The following TOGARAM1 variants were observed in gnomAD, a reference collection of about 807,000 sequenced individuals.
The protein encoded by TOGARAM1 is TOG array regulator of axonemal microtubules protein 1.
TOGARAM1 carries 100 observed loss-of-function variants against 166.6 expected under a neutral mutation model. The observed-to-expected ratio is 0.60, with a 90% confidence interval of 0.51 to 0.71. TOGARAM1 has a LOEUF of 0.71. TOGARAM1 is among the 30% of genes least tolerant of loss of function. TOGARAM1 has a pLI of 0.00. For missense variants in TOGARAM1, 2,029 were observed against 2,102.7 expected (o/e 0.96, Z 0.69); for synonymous variants, 758 against 763.8 (o/e 0.99, Z 0.13).
intron 17 of TOGARAM1, among the ~76,000 whole-genome samples, chr14:45,067,101 T>C (rs1377942440): frequency 6.6e-6 from 1 of 152,110 alleles, no homozygotes; most frequent in African/African-American, 2.4e-5. Context: ...TATATAGATA[T>C]ATAATTCTCA....
intron 16 of TOGARAM1, among the ~76,000 whole-genome samples, 178 bp downstream of exon 16, chr14:45,054,727 C>T (rs1237899512): frequency 6.6e-6 from 1 of 152,196 alleles, no homozygotes; most frequent in Non-Finnish European, 1.5e-5. Context: ...TATATATTTA[C>T]AGCAACTTGC....
At chr14:44,974,174 A>T (rs926903418) in intron 1 of TOGARAM1, among the ~76,000 whole-genome samples, 2 of 151,590 alleles carry the variant, frequency 1.3e-5, no homozygotes, top group East Asian at 1.9e-4. Flanking sequence ...GTTTTCCCAC[A>T]GTTCTTGTAT....
At chr14:45,047,729 G>C (rs1882145675) in intron 14 of TOGARAM1, among the ~76,000 whole-genome samples, 1 of 152,074 alleles carries the variant, frequency 6.6e-6, no homozygotes, top group African/African-American at 2.4e-5. Flanking sequence ...TAGGTGACCA[G>C]TAATGTCCCA....
At chr14:44,988,161 G>A (rs1299516814) in intron 1 of TOGARAM1, among the ~76,000 whole-genome samples, 3 of 151,382 alleles carry the variant, frequency 2.0e-5, no homozygotes, top group Non-Finnish European at 4.4e-5. Context: ...TGTAAATGAT[G>A]AGTTAATGGG....
chr14:44,982,201 A>G (rs1886575778), intron 1 of TOGARAM1, among the ~76,000 whole-genome samples: 1 of 152,120 alleles, frequency 6.6e-6, no homozygotes, highest in Non-Finnish European at 1.5e-5. Flanking sequence ...ATAGCTATTT[A>G]ATATTATATA....
intron 11 of TOGARAM1, among the ~76,000 whole-genome samples, chr14:45,041,252 T>C (rs977834555): frequency 2.0e-5 from 3 of 151,460 alleles, no homozygotes; most frequent in Admixed American, 6.6e-5. Flanking sequence ...AATACAATAA[T>C]TAGCCGGCCA....
intron 5 of TOGARAM1, 113 bp from the exon 6 acceptor site, chr14:45,008,800 A>C: frequency 2.9e-6 from 2 of 682,384 alleles, no homozygotes; most frequent in South Asian, 4.0e-5. Flanking sequence ...GTTTTAGTAC[A>C]GGATTGGGAA....
intron 2 of TOGARAM1, chr14:44,996,950 A>G (rs2138812904): frequency 6.6e-6 from 1 of 152,370 alleles, no homozygotes; most frequent in Non-Finnish European, 1.5e-5. Flanking sequence ...CCTACCTCCA[A>G]CATTGGGGAT....
chr14:45,031,314 T>C (rs754213411), intron 10 of TOGARAM1, among the ~76,000 whole-genome samples: 1 of 152,238 alleles, frequency 6.6e-6, no homozygotes, highest in Non-Finnish European at 1.5e-5. Context: ...CATTATATAG[T>C]GCTCTCAAGG....
intron 1 of TOGARAM1, among the ~76,000 whole-genome samples, chr14:44,990,674 A>G (rs1272442353): frequency 6.6e-6 from 1 of 152,222 alleles, no homozygotes; most frequent in African/African-American, 2.4e-5. Context: ...TATGAAAACA[A>G]ACTGCACACA....
chr14:45,059,017 A>G (rs1882778080), intron 16 of TOGARAM1, among the ~76,000 whole-genome samples: 1 of 152,206 alleles, frequency 6.6e-6, no homozygotes, highest in South Asian at 2.1e-4. Context: ...TAGTGATGAC[A>G]AAGTCTATTA....
intron 9 of TOGARAM1, among the ~76,000 whole-genome samples, chr14:45,027,830 C>T (rs546911972): frequency 2.0e-5 from 3 of 150,480 alleles, no homozygotes; most frequent in African/African-American, 7.3e-5. Context: ...ACCGTGATTA[C>T]GCCACTGTAC....
At position 44,964,379 on chromosome 14, in the gene TOGARAM1, G is replaced by C. The variant is rs1158915238; in HGVS notation, c.1958G>C (p.Gly653Ala). Residue 653 changes from glycine to alanine, a missense_variant, in exon 1 of 20, where the codon GGA becomes GCA. By Grantham distance (60) the Gly-to-Ala change is moderately conservative. This residue lies in a region of TOGARAM1 where 1,453 missense variants were observed against 1,432.2 expected (regional missense o/e 1.01). Coordinates refer to ENST00000361462, the MANE Select transcript of TOGARAM1 (RefSeq NM_001308120.2). The part of the protein sequence containing the change: ...TICTRRVLSA[G>A]KGKNKLPWEN... Reference sequence around the variant, plus strand: ...TGTACCCGAAGGGTATTAAGTGCAGGAAAAGGAAAAAATAAATTACCATGG... The same window carrying C: ...TGTACCCGAAGGGTATTAAGTGCAGCAAAAGGAAAAAATAAATTACCATGG... The C allele has an allele frequency of 4.3e-6, 7 of 1,612,094 alleles. No homozygotes were observed. Among genetic ancestry groups the C allele is most frequent in the Non-Finnish European group, 5.1e-6 (6 of 1,179,414 alleles).
chr14:44,995,548 A>G, intron 1 of TOGARAM1, 198 bp from the exon 2 acceptor site: 1 of 593,590 alleles, frequency 1.7e-6, no homozygotes, highest in Non-Finnish European at 3.2e-6. Flanking sequence ...AGAAAAAACA[A>G]TTAGCATTTC....
At chr14:45,018,918 C>CT (rs974766053) in intron 7 of TOGARAM1, among the ~76,000 whole-genome samples, 1 of 152,050 alleles carries the variant, frequency 6.6e-6, no homozygotes, top group Non-Finnish European at 1.5e-5. Context: ...TAGTGGCTTC[C>CT]TTTTTTAGAT....
At chr14:45,018,370 A>C (rs770676655) in intron 7 of TOGARAM1, among the ~76,000 whole-genome samples, 1 of 151,960 alleles carries the variant, frequency 6.6e-6, no homozygotes, top group Non-Finnish European at 1.5e-5. Context: ...CACCCTAGTA[A>C]CTGGGATTAC....
Position 44,962,622 on chromosome 14 carries a change from G to T in TOGARAM1, c.201G>T (p.Leu67=). 3.1e-6 allele frequency: 5 copies of T among 1,613,820 alleles called. No individual in the cohort carries two copies. Among genetic ancestry groups the T allele is most frequent in the Non-Finnish European group, 4.2e-6 (5 of 1,179,782 alleles). ...HGSCPTTTSP[L]ASALLMPSEA... ...CCTGCCCCACTACAACTTCGCCTCT[G>T]GCCTCGGCCCTCTTGATGCCCTCGG... Residue 67 remains leucine (L), a synonymous_variant, in exon 1 of 20, where the codon CTG becomes CTT. Transcript: ENST00000361462.
At chr14:45,017,119 T>C (rs1179509438) in intron 7 of TOGARAM1, among the ~76,000 whole-genome samples, 2 of 152,178 alleles carry the variant, frequency 1.3e-5, no homozygotes, top group African/African-American at 4.8e-5. Context: ...GTAAATTTCA[T>C]GACAAGTTAA....
At chr14:45,002,843 G>T (rs1887749563) in intron 3 of TOGARAM1, among the ~76,000 whole-genome samples, 1 of 152,104 alleles carries the variant, frequency 6.6e-6, no homozygotes, top group African/African-American at 2.4e-5. Flanking sequence ...GCCGGACATG[G>T]TGGCGGGCAC....
Sources: allele counts gnomAD v4.1 joint callset (sites outside exome capture counted in the v4.1 genomes callset), GRCh38; gene constraint gnomAD v4.1.1; regional missense constraint gnomAD v4.1.1; transcripts MANE v1.5; gene names NCBI Gene and HGNC (gene_info 2026-07-23, HGNC 2026-07-21).